The following PIP5K1C variants were observed in gnomAD, a reference collection of about 807,000 sequenced individuals.
The protein encoded by PIP5K1C is phosphatidylinositol 4-phosphate 5-kinase type-1 gamma.
A neutral mutation model predicts 80.1 loss-of-function variants in PIP5K1C; 45 were observed. The observed-to-expected ratio is 0.56, with a 90% CI of 0.44 to 0.72. The LOEUF (loss-of-function observed/expected upper bound fraction) is 0.72, where lower values mean the gene tolerates loss of function less well. Ranked by LOEUF, PIP5K1C falls within the 30% of genes least tolerant of loss-of-function variation. The probability of loss-of-function intolerance (pLI) is 0.00; values close to 1 mark genes in which losing one functional copy is unlikely to be tolerated. For missense variants in PIP5K1C, 753 were observed against 954.6 expected, an observed-to-expected ratio of 0.79 and a Z score of 2.78; for synonymous variants, 498 against 420.1, an observed-to-expected ratio of 1.19 and a Z score of -2.27.
chr19:3,700,242 T>A, intron 1 of PIP5K1C, 55 bp downstream of exon 1: 1 of 1,018,738 alleles, frequency 9.8e-7, no homozygotes, highest in Non-Finnish European at 1.2e-6. Context: ...GCCCCGCGAC[T>A]CTCGGCGCTC....
chr19:3,635,630 C>T (rs772012549), intron 16 of PIP5K1C, among the ~76,000 whole-genome samples: 4 of 150,922 alleles, frequency 2.7e-5, no homozygotes, highest in Non-Finnish European at 5.9e-5. Context: ...TTGCAGTGAG[C>T]TGAAATTGAG....
chr19:3,653,202 C>T (rs1376660375), intron 7 of PIP5K1C, 88 bp downstream of exon 7: 1 of 1,302,962 alleles, frequency 7.7e-7, no homozygotes, highest in Non-Finnish European at 1.1e-6. Flanking sequence ...CGGCCTGGCA[C>T]CCTCCCTGGC....
At chr19:3,665,824 AAGG>A (rs946808210) in intron 2 of PIP5K1C, among the ~76,000 whole-genome samples, 3 of 152,024 alleles carry the variant, frequency 2.0e-5, no homozygotes, top group African/African-American at 4.8e-5. Flanking sequence ...GAGGCCAACC[AAGG>A]AGAACAGCCC....
At position 3,690,107 on chromosome 19, in the gene PIP5K1C, T is replaced by C. The variant is rs544312775; in HGVS notation, c.94+10190A>G. Among the ~76,000 whole-genome samples, 68 of 96,274 alleles carry C rather than the reference T, an allele frequency of 7.1e-4. 1 individual carries two copies. The East Asian group carries it at 0.013, about 18-fold the overall frequency. 63.2% of individuals were successfully genotyped at this position (96,274 alleles called of 152,430 possible). A position where few individuals can be genotyped will look rare whatever the true frequency, so the allele number is the denominator to read the frequency against. On this transcript the variant is annotated intron_variant, in intron 1 of 17. Coordinates refer to ENST00000335312, the MANE Select transcript of PIP5K1C (RefSeq NM_012398.3). Reference sequence around the variant, plus strand: ...TTTTACTCACTGCAAGTCTGATTACTTTTTTTTTTTTTAACTGTGAACATG... The same window carrying C: ...TTTTACTCACTGCAAGTCTGATTACCTTTTTTTTTTTTAACTGTGAACATG...
intron 1 of PIP5K1C, among the ~76,000 whole-genome samples, chr19:3,698,974 C>A (rs1195307767): frequency 6.6e-6 from 1 of 151,030 alleles, no homozygotes; most frequent in African/African-American, 2.4e-5. Flanking sequence ...CCCACCCCAC[C>A]ACCATGCTCA....
chr19:3,699,698 G>A (rs1285015683), intron 1 of PIP5K1C, among the ~76,000 whole-genome samples: 1 of 152,230 alleles, frequency 6.6e-6, no homozygotes, highest in Non-Finnish European at 1.5e-5. Context: ...AAGGGGGCAT[G>A]AGACAGCCGT....
rs544838550 is a variant in PIP5K1C at position 3,651,413 on chromosome 19, G to A, written c.1127+413C>T. On this transcript the variant is annotated intron_variant, in intron 8 of 17. Coordinates refer to ENST00000335312, the MANE Select transcript of PIP5K1C (RefSeq NM_012398.3). ...TTGCAGTCCCTCTGCTTCGTGGGCT[G>A]TGTCCTGCTGTGAGCCCTGCCTCGC... is the stretch of plus-strand genomic sequence containing the variant. Among the ~76,000 whole-genome samples, 5 of 152,334 alleles carry A rather than the reference G, an allele frequency of 3.3e-5. No individual in the cohort carries two copies. In the South Asian group the frequency reaches 1.0e-3, roughly 32 times the overall value.
Position 3,648,512 on chromosome 19 carries a change from C to T in PIP5K1C, c.1211+113G>A. ...TGGGACTGCAGACCCAGGCGCCCACCTGTGGGGCTGCAGACCCGGGCGCCC... is the reference window on the plus strand; with the variant it reads ...TGGGACTGCAGACCCAGGCGCCCACTTGTGGGGCTGCAGACCCGGGCGCCC... On this transcript the variant is annotated intron_variant, in intron 9 of 17. Transcript: ENST00000335312. This position sits in a 1 kb window ranked among gnomAD's most constrained non-coding sequence, Gnocchi z 4.3. 1 of 426,486 alleles carries T rather than the reference C, an allele frequency of 2.3e-6. No individual in the cohort carries two copies. Among genetic ancestry groups the T allele is most frequent in the Non-Finnish European group, 4.5e-6 (1 of 222,994 alleles). The allele number at this position is 426,486 out of a possible 1,614,324, so 26.4% of individuals were successfully genotyped here. A position where few individuals can be genotyped will look rare whatever the true frequency, so the allele number is the denominator to read the frequency against.
At chr19:3,685,085 A>G (rs1054865624) in intron 1 of PIP5K1C, among the ~76,000 whole-genome samples, 6 of 152,216 alleles carry the variant, frequency 3.9e-5, no homozygotes, top group Non-Finnish European at 8.8e-5. Flanking sequence ...GGCAGAGGAA[A>G]AGAAAACAAA....
At position 3,653,530 on chromosome 19, in the gene PIP5K1C, C is replaced by G. The variant is rs2034523299; in HGVS notation, c.681G>C (p.Gln227His). Residue 227 changes from glutamine to histidine, a missense_variant, in exon 7 of 18, where the codon CAG becomes CAC. By Grantham distance (24) the Gln-to-His change is conservative. Around this residue, in one of 6 missense-constraint regions of PIP5K1C, gnomAD observed 139 missense variants for 289.7 expected, o/e 0.48. Transcript: ENST00000335312. Reference sequence around the variant, plus strand: ...CGACGCGGATGTTCTTGCCCCCCGACTGCACGCAGTACAGCCCATAGAACT... The same window carrying G: ...CGACGCGGATGTTCTTGCCCCCCGAGTGCACGCAGTACAGCCCATAGAACT... ...LPKFYGLYCV[Q>H]SGGKNIRVVV... 1 of 1,613,710 alleles carries G rather than the reference C, an allele frequency of 6.2e-7. No individual in the cohort carries two copies. The highest frequency in any genetic ancestry group is 1.7e-5 in the Admixed American group (1 of 60,006).
intron 12 of PIP5K1C, 146 bp downstream of exon 12, chr19:3,643,941 C>T (rs1203134385): frequency 4.2e-6 from 4 of 963,612 alleles, no homozygotes; most frequent in South Asian, 1.6e-5. Context: ...GTCCCAGCAG[C>T]CCCCACTCCC....
intron 1 of PIP5K1C, among the ~76,000 whole-genome samples, chr19:3,667,871 G>GGGGCAGGCCCCCGCTGGGGCGA (rs1452344847): frequency 1.5e-4 from 23 of 152,210 alleles, no homozygotes; most frequent in Non-Finnish European, 2.2e-4. Flanking sequence ...GGAGTGAGGG[G>GGGGCAGGCCCCCGCTGGGGCGA]GGGCAGGCCC....
Position 3,638,133 on chromosome 19 carries a change from G to T in PIP5K1C, c.1920+751C>A. 8.1e-6 allele frequency: 10 copies of T among 1,235,906 alleles called. No homozygotes were observed. In the South Asian group the frequency reaches 1.6e-4, roughly 20 times the overall value. The allele number at this position is 1,235,906 out of a possible 1,614,324, so 76.6% of individuals were successfully genotyped here. A position where few individuals can be genotyped will look rare whatever the true frequency, so the allele number is the denominator to read the frequency against. On this transcript the variant is annotated intron_variant, in intron 16 of 17. Coordinates refer to ENST00000335312, the MANE Select transcript of PIP5K1C (RefSeq NM_012398.3). Reference sequence around the variant, plus strand: ...TGCAGGGTGAGAACAAACCATCTGGGAAGTGGGCTGCAGCCTCCGGCCCTC... The same window carrying T: ...TGCAGGGTGAGAACAAACCATCTGGTAAGTGGGCTGCAGCCTCCGGCCCTC...
intron 1 of PIP5K1C, among the ~76,000 whole-genome samples, chr19:3,672,886 G>A (rs2035254354): frequency 6.6e-6 from 1 of 151,684 alleles, no homozygotes; most frequent in South Asian, 2.1e-4. Context: ...CCCCAGCCCT[G>A]GAGGCGGTGG....
At chr19:3,634,255 T>C (rs2033582682) in intron 16 of PIP5K1C, among the ~76,000 whole-genome samples, 2 of 152,012 alleles carry the variant, frequency 1.3e-5, no homozygotes, top group East Asian at 3.9e-4. Flanking sequence ...GGAGGGTGCG[T>C]TCCTCCAACA....
At chr19:3,658,013 C>G (rs1244747347) in intron 5 of PIP5K1C, among the ~76,000 whole-genome samples, 1 of 152,136 alleles carries the variant, frequency 6.6e-6, no homozygotes, top group East Asian at 1.9e-4. Flanking sequence ...AGTTGGGTCC[C>G]CAGCGCCACA....
At chr19:3,693,877 T>G (rs1475892028) in intron 1 of PIP5K1C, among the ~76,000 whole-genome samples, 1 of 152,080 alleles carries the variant, frequency 6.6e-6, no homozygotes, top group Admixed American at 6.6e-5. Flanking sequence ...CCTCGCACCC[T>G]GGACAACATA....
At position 3,656,622 on chromosome 19, in the gene PIP5K1C, C is replaced by T. The variant is rs2034642791; in HGVS notation, c.469-65G>A. 16 of 1,578,632 alleles carry T rather than the reference C, an allele frequency of 1.0e-5. 1 individual carries two copies. The highest frequency in any genetic ancestry group is 5.0e-5 in the Admixed American group (3 of 59,852). On this transcript the variant is annotated intron_variant, in intron 5 of 17. Coordinates refer to ENST00000335312, the MANE Select transcript of PIP5K1C (RefSeq NM_012398.3). The stretch of plus-strand genomic sequence containing the variant: ...CGGACACACAGACAGCACTGGCTTC[C>T]GGTCTGCCCAACAGCCCCAGGAACT...
At chr19:3,693,872 C>T (rs1169839202) in intron 1 of PIP5K1C, among the ~76,000 whole-genome samples, 2 of 152,098 alleles carry the variant, frequency 1.3e-5, no homozygotes, top group Non-Finnish European at 2.9e-5. Context: ...GAGACCCTCG[C>T]ACCCTGGACA....
Sources: allele counts gnomAD v4.1 joint callset (sites outside exome capture counted in the v4.1 genomes callset), GRCh38; gene constraint gnomAD v4.1.1; regional missense constraint gnomAD v4.1.1; non-coding constraint Gnocchi (gnomAD v3.1); transcripts MANE v1.5; gene names NCBI Gene and HGNC (gene_info 2026-07-23, HGNC 2026-07-21).